Variants in CSGALNACT1 observed in about 807,000 individuals in gnomAD.
The protein encoded by CSGALNACT1 is beta4GalNAcT-1.
CSGALNACT1 carries 52 observed loss-of-function variants against 51.0 expected under a neutral mutation model. The ratio of observed to expected loss-of-function variants is 1.02; its 90% CI spans 0.82 to 1.29. The LOEUF is 1.29. Ranked by LOEUF, CSGALNACT1 falls within the 50% of genes most tolerant of loss-of-function variation. The pLI, the probability that CSGALNACT1 is intolerant of heterozygous loss-of-function variation, is 0.00. For missense variants in CSGALNACT1, 935 were observed against 679.2 expected (o/e 1.38, Z -4.19); for synonymous variants, 341 against 254.4 (o/e 1.34, Z -3.24).
intron 1 of CSGALNACT1, among the ~76,000 whole-genome samples, chr8:19,621,178 A>G (rs2053777618): frequency 6.6e-6 from 1 of 152,330 alleles, no homozygotes; most frequent in South Asian, 2.1e-4. Flanking sequence ...GATTCTTAAG[A>G]AAGTCAGTTG....
chr8:19,530,367 G>A (rs934901580), intron 3 of CSGALNACT1, among the ~76,000 whole-genome samples: 8 of 151,988 alleles, frequency 5.3e-5, no homozygotes, highest in Non-Finnish European at 8.8e-5. Context: ...GTACATGAGT[G>A]TGTATGTGTA....
At chr8:19,511,863 A>G (rs865780893) in intron 3 of CSGALNACT1, among the ~76,000 whole-genome samples, 22 of 152,226 alleles carry the variant, frequency 1.4e-4, no homozygotes, top group Admixed American at 8.5e-4. Flanking sequence ...GAAACCAAGC[A>G]TATCTTCACA....
chr8:19,648,570 G>C (rs752885683), intron 1 of CSGALNACT1, among the ~76,000 whole-genome samples: 1 of 152,186 alleles, frequency 6.6e-6, no homozygotes, highest in Admixed American at 6.5e-5. Flanking sequence ...CATTCTGGGA[G>C]GCCAAGGCAG....
At chr8:19,564,711 C>T (rs768084623) in intron 3 of CSGALNACT1, among the ~76,000 whole-genome samples, 3 of 152,164 alleles carry the variant, frequency 2.0e-5, no homozygotes, top group Non-Finnish European at 2.9e-5. Context: ...ATCATCCAAT[C>T]GAAAGACGCC....
intron 8 of CSGALNACT1, among the ~76,000 whole-genome samples, chr8:19,412,390 T>C (rs2055982689): frequency 2.0e-5 from 3 of 152,172 alleles, no homozygotes; most frequent in African/African-American, 7.2e-5. Flanking sequence ...TCCCCAAAGA[T>C]GTGGGAAGGC....
chr8:19,602,651 C>T (rs79865370), upstream of CSGALNACT1: 15,092 of 152,342 alleles, frequency 0.099, 775 homozygotes, highest in Middle Eastern at 0.13. Flanking sequence ...CTGCCCTGCC[C>T]CTGCCTGGAG....
chr8:19,406,931 A>C (rs2054322589), intron 9 of CSGALNACT1, among the ~76,000 whole-genome samples: 1 of 151,752 alleles, frequency 6.6e-6, no homozygotes, highest in Non-Finnish European at 1.5e-5. Flanking sequence ...CTGGTCTTGA[A>C]CTCCTGGCCT....
intron 5 of CSGALNACT1, among the ~76,000 whole-genome samples, chr8:19,441,407 T>C (rs1198851047): frequency 6.6e-6 from 1 of 152,042 alleles, no homozygotes; most frequent in East Asian, 1.9e-4. Context: ...CCCTCAGAAA[T>C]AATGCAGCAT....
intron 1 of CSGALNACT1, among the ~76,000 whole-genome samples, chr8:19,723,255 A>C (rs575145373): frequency 2.0e-5 from 3 of 152,172 alleles, no homozygotes; most frequent in African/African-American, 7.2e-5. Context: ...TGGGGTATAC[A>C]CCCAAATAAA....
At chr8:19,427,536 C>T (rs2058957611) in intron 6 of CSGALNACT1, among the ~76,000 whole-genome samples, 1 of 152,226 alleles carries the variant, frequency 6.6e-6, no homozygotes, top group South Asian at 2.1e-4. Flanking sequence ...TGCTTGTAAT[C>T]CCAGCACTTT....
upstream of CSGALNACT1, among the ~76,000 whole-genome samples, chr8:19,685,226 T>C (rs994115710): frequency 6.6e-6 from 1 of 152,034 alleles, no homozygotes; most frequent in African/African-American, 2.4e-5. Flanking sequence ...TAATGGGAGT[T>C]TTTTCTTCTT....
rs376216896 is a variant in CSGALNACT1, at chr8:19,489,604, G to A, written c.634+15597C>T. On this transcript the variant is annotated intron_variant, in intron 4 of 9. Transcript: ENST00000454498. ...AGGGCTACAAAGTGGTATGAGAAAG[G>A]GTCCCTCATTTAAGTCTAGGGGGAG... Among the ~76,000 whole-genome samples the A allele has an allele frequency of 7.2e-5, 11 of 152,216 alleles. No homozygotes were observed. The East Asian group carries it at 2.1e-3, about 29-fold the overall frequency.
intron 2 of CSGALNACT1, among the ~76,000 whole-genome samples, chr8:19,596,654 C>T (rs1345612201): frequency 1.3e-5 from 2 of 149,432 alleles, no homozygotes; most frequent in Admixed American, 6.7e-5. Flanking sequence ...ACTGTAAATA[C>T]ATTTTTTCAT....
At chr8:19,436,667 G>T (rs969486288) in intron 6 of CSGALNACT1, among the ~76,000 whole-genome samples, 3 of 152,286 alleles carry the variant, frequency 2.0e-5, no homozygotes, top group South Asian at 2.1e-4. Flanking sequence ...AGAACTTTGG[G>T]AGGATGAGGC....
chr8:19,571,238 G>A (rs2042956128), intron 3 of CSGALNACT1, among the ~76,000 whole-genome samples: 1 of 152,110 alleles, frequency 6.6e-6, no homozygotes, highest in Non-Finnish European at 1.5e-5. Flanking sequence ...CCAAAGCACT[G>A]GGATTACAGG....
intron 5 of CSGALNACT1, among the ~76,000 whole-genome samples, chr8:19,445,612 A>G (rs572667517): frequency 5.4e-4 from 82 of 152,328 alleles, no homozygotes; most frequent in African/African-American, 1.9e-3. Flanking sequence ...CAGATACTCT[A>G]CCAGTGGATC....
intron 5 of CSGALNACT1, among the ~76,000 whole-genome samples, chr8:19,447,949 T>C (rs991012207): frequency 6.6e-6 from 1 of 152,232 alleles, no homozygotes; most frequent in Admixed American, 6.5e-5. Flanking sequence ...GTTAGTGTGA[T>C]AGACATGCTG....
intron 1 of CSGALNACT1, among the ~76,000 whole-genome samples, chr8:19,609,752 A>AT (rs2051937055): frequency 6.6e-6 from 1 of 152,212 alleles, no homozygotes; most frequent in South Asian, 2.1e-4. Flanking sequence ...TATATTTTCG[A>AT]TTTTGGTAAT....
chr8:19,663,911 C>T (rs924847811), intron 1 of CSGALNACT1, among the ~76,000 whole-genome samples: 1 of 152,146 alleles, frequency 6.6e-6, no homozygotes, highest in Non-Finnish European at 1.5e-5. Flanking sequence ...GATGCCAGAC[C>T]CTGGCAGTTT....
Sources: gnomAD v4.1 joint callset for allele counts (sites outside exome capture counted in the v4.1 genomes callset) on GRCh38, gnomAD v4.1.1 for gene constraint, MANE v1.5 for transcripts, NCBI Gene and HGNC (gene_info 2026-07-23, HGNC 2026-07-21) for gene names.